Variants in XCR1 observed in about 807,000 individuals in gnomAD.
XCR1 encodes chemokine XC receptor 1.
For synonymous variants in XCR1, 187 were observed against 188.5 expected (o/e 0.99, Z 0.06); for missense variants, 356 against 424.2 (o/e 0.84, Z 1.41).
intron 3 of XCR1, among the ~76,000 whole-genome samples, chr3:46,073,872 C>T (rs1475530742): frequency 6.6e-6 from 1 of 151,258 alleles, no homozygotes; most frequent in Admixed American, 6.6e-5. Flanking sequence ...AAAACCAGAA[C>T]ATGATACCAT....
At chr3:46,037,957 TA>T (rs1697464320) in intron 5 of XCR1, among the ~76,000 whole-genome samples, 1 of 152,110 alleles carries the variant, frequency 6.6e-6, no homozygotes, top group Non-Finnish European at 1.5e-5. Flanking sequence ...TGTATAGTGC[TA>T]TCAGTTGACT....
At chr3:46,031,325 C>T (rs1381189125), upstream of XCR1, among the ~76,000 whole-genome samples, 1 of 152,242 alleles carries the variant, frequency 6.6e-6, no homozygotes, top group African/African-American at 2.4e-5. Context: ...AGTACCTGCT[C>T]CTGCTGTTTG....
intron 5 of XCR1, among the ~76,000 whole-genome samples, chr3:46,034,004 C>T (rs557421526): frequency 6.6e-6 from 1 of 151,710 alleles, no homozygotes; most frequent in Non-Finnish European, 1.5e-5. Flanking sequence ...GACAGAGTCT[C>T]ACTCTGTTGC....
chr3:46,075,857 CAT>C (rs1328184614), intron 2 of XCR1, among the ~76,000 whole-genome samples: 1 of 152,138 alleles, frequency 6.6e-6, no homozygotes, highest in Admixed American at 6.5e-5. Context: ...GATATTATCA[CAT>C]ATGTATCATA....
intron 1 of XCR1, chr3:46,022,207 G>T (rs541242898): frequency 4.3e-5 from 17 of 395,408 alleles, no homozygotes; most frequent in Middle Eastern, 6.6e-4. Context: ...AAACCGGGGG[G>T]TGGGGAAAGA....
intron 1 of XCR1, among the ~76,000 whole-genome samples, chr3:46,081,370 A>G (rs1029818602): frequency 3.3e-5 from 5 of 152,232 alleles, no homozygotes; most frequent in African/African-American, 1.2e-4. Context: ...TCTCTTCAAA[A>G]TAATAACAGG....
At chr3:46,067,007 T>C (rs1698089892) in intron 3 of XCR1, among the ~76,000 whole-genome samples, 1 of 152,168 alleles carries the variant, frequency 6.6e-6, no homozygotes, top group Admixed American at 6.5e-5. Flanking sequence ...CCTCAATACA[T>C]GCTTGCTGAA....
intron 5 of XCR1, among the ~76,000 whole-genome samples, chr3:46,043,370 G>A (rs1397824293): frequency 2.0e-5 from 3 of 151,016 alleles, no homozygotes; most frequent in Non-Finnish European, 4.4e-5. Flanking sequence ...GAACCCAGGA[G>A]GCAGAGGTTG....
rs1708204234 is a variant in XCR1 at position 46,023,305 on chromosome 3, A to G, written c.-31-1327T>C. The G allele has an allele frequency of 7.9e-6, 7 of 889,810 alleles. No homozygotes were observed. The South Asian group carries it at 1.1e-4, about 13-fold the overall frequency. The allele number at this position is 889,810 out of a possible 1,614,324, so 55.1% of individuals were successfully genotyped here. A position where few individuals can be genotyped will look rare whatever the true frequency, so the allele number is the denominator to read the frequency against. On this transcript the variant is annotated intron_variant, in intron 1 of 1. Transcript: ENST00000309285. ...AAGGCTGCTGCTGTCTATGGAAGTAATGGAAGGACCCCTCAACCTGGCTCA... is the reference window on the plus strand; with the variant it reads ...AAGGCTGCTGCTGTCTATGGAAGTAGTGGAAGGACCCCTCAACCTGGCTCA...
chr3:46,067,758 G>T (rs73830723), intron 3 of XCR1, among the ~76,000 whole-genome samples: 2,351 of 152,236 alleles, frequency 0.015, 50 homozygotes, highest in African/African-American at 0.052. Context: ...AAGTGGCTTG[G>T]CTAAGTTTTG....
rs912731827 is a variant in XCR1, at chr3:46,019,637, T to A, written c.*1309A>T. On this transcript the variant is annotated 3_prime_UTR_variant, in exon 2 of 2. Transcript: ENST00000309285. The stretch of plus-strand genomic sequence containing the variant: ...GTGTCTGAAAGAAGGCCAGTGGTGT[T>A]TTGGGGTTGGATCCCAAGCTGCTGT... 1 of 152,354 alleles carries A rather than the reference T, an allele frequency of 6.6e-6. No homozygotes were observed. The highest frequency in any genetic ancestry group is 1.5e-5 in the Non-Finnish European group (1 of 68,190). The allele number at this position is 152,354 out of a possible 1,614,324, so 9.4% of individuals were successfully genotyped here.
At chr3:46,048,221 T>C (rs909692144) in intron 5 of XCR1, among the ~76,000 whole-genome samples, 1 of 152,180 alleles carries the variant, frequency 6.6e-6, no homozygotes, top group Admixed American at 6.5e-5. Flanking sequence ...CTCTCCCTGA[T>C]TGTGATAAAT....
At chr3:46,054,909 T>C (rs942137957) in intron 4 of XCR1, among the ~76,000 whole-genome samples, 8 of 152,180 alleles carry the variant, frequency 5.3e-5, no homozygotes, top group African/African-American at 1.9e-4. Flanking sequence ...ATCAGTCAAA[T>C]GCACCTAGGA....
At chr3:46,070,196 G>A (rs1256077260) in intron 3 of XCR1, among the ~76,000 whole-genome samples, 1 of 152,062 alleles carries the variant, frequency 6.6e-6, no homozygotes, top group Admixed American at 6.6e-5. Flanking sequence ...TTGGTTTGCA[G>A]CCTCACAGAT....
chr3:46,023,592 G>A lies in XCR1; in HGVS notation c.-31-1614C>T. 2.9e-6 allele frequency: 4 copies of A among 1,401,982 alleles called. No individual in the cohort carries two copies. The Admixed American group carries it at 6.8e-5, about 24-fold the overall frequency. The allele number at this position is 1,401,982 out of a possible 1,614,324, so 86.8% of individuals were successfully genotyped here. A position where few individuals can be genotyped will look rare whatever the true frequency, so the allele number is the denominator to read the frequency against. On this transcript the variant is annotated intron_variant, in intron 1 of 1. Transcript: ENST00000309285. ...ACAAGGATGTAGCTGCCCATCTTCA[G>A]GCATCTCACAAACTCTCTGCCGAGG...
upstream of XCR1, among the ~76,000 whole-genome samples, chr3:46,030,823 G>A (rs954437926): frequency 5.3e-5 from 8 of 152,334 alleles, no homozygotes; most frequent in African/African-American, 1.4e-4. Context: ...TTGCATGGCC[G>A]GGCAGGACCT....
At position 46,018,111 on chromosome 3, in the gene XCR1, T is replaced by C. The variant is rs1480748474; in HGVS notation, c.*2835A>G. The C allele has an allele frequency of 2.0e-5, 3 of 152,230 alleles. No individual in the cohort carries two copies. Among genetic ancestry groups the C allele is most frequent in the Non-Finnish European group, 4.4e-5 (3 of 68,062 alleles). 9.4% of individuals were successfully genotyped at this position (152,230 alleles called of 1,614,324 possible). A position where few individuals can be genotyped will look rare whatever the true frequency, so the allele number is the denominator to read the frequency against. On this transcript the variant is annotated 3_prime_UTR_variant, in exon 2 of 2. Coordinates refer to ENST00000309285, the MANE Select transcript of XCR1 (RefSeq NM_001024644.2). ...GGAAGACTCCTGATTAAAGACTGCCTTGGGAGCCAGTCTATTAGGGATGCC... is the reference window on the plus strand; with the variant it reads ...GGAAGACTCCTGATTAAAGACTGCCCTGGGAGCCAGTCTATTAGGGATGCC...
chr3:46,023,712 C>G, intron 1 of XCR1: 1 of 1,529,070 alleles, frequency 6.5e-7, no homozygotes, highest in Non-Finnish European at 9.0e-7. Context: ...GGGATCCAGA[C>G]ACACTACTAT....
At chr3:46,026,193 T>C (rs916438176) in intron 1 of XCR1, among the ~76,000 whole-genome samples, 5 of 152,230 alleles carry the variant, frequency 3.3e-5, no homozygotes, top group African/African-American at 1.2e-4. Flanking sequence ...CATTCATTTT[T>C]TTTGCTGGTT....
Sources: gnomAD v4.1 joint callset for allele counts (sites outside exome capture counted in the v4.1 genomes callset) on GRCh38, gnomAD v4.1.1 for gene constraint, MANE v1.5 for transcripts, NCBI Gene and HGNC (gene_info 2026-07-23, HGNC 2026-07-21) for gene names.